EPHA6: variants seen among roughly 807,000 people sequenced by gnomAD.
EPHA6 encodes EPH receptor A6.
A neutral mutation model predicts 112.0 loss-of-function variants in EPHA6; 50 were observed. The observed-to-expected ratio is 0.45, with a 90% confidence interval of 0.36 to 0.56. The LOEUF (loss-of-function observed/expected upper bound fraction) is 0.56, where lower values mean the gene tolerates loss of function less well. Ranked by LOEUF, EPHA6 falls within the 20% of genes least tolerant of loss-of-function variation. The pLI is 0.00. For missense variants in EPHA6, 1,280 were observed against 1,417.4 expected, an observed-to-expected ratio of 0.90 and a Z score of 1.56; for synonymous variants, 529 against 490.7, an observed-to-expected ratio of 1.08 and a Z score of -1.03.
chr3:97,469,511 G>T (rs2091160151), intron 7 of EPHA6, among the ~76,000 whole-genome samples: 1 of 151,702 alleles, frequency 6.6e-6, no homozygotes, highest in African/African-American at 2.4e-5. Flanking sequence ...ACATAATTGA[G>T]ACTGCTGTCT....
chr3:97,321,299 T>A (rs2082108692), intron 5 of EPHA6, among the ~76,000 whole-genome samples: 1 of 151,954 alleles, frequency 6.6e-6, no homozygotes, highest in Non-Finnish European at 1.5e-5. Flanking sequence ...ATGCCAATAA[T>A]TCTTTAACTG....
At chr3:97,176,278 A>G (rs1374162883) in intron 3 of EPHA6, among the ~76,000 whole-genome samples, 2 of 151,790 alleles carry the variant, frequency 1.3e-5, no homozygotes, top group African/African-American at 2.4e-5. Context: ...TCTTTCTAAT[A>G]TATTGTTGAA....
chr3:97,026,291 T>C lies in EPHA6; in HGVS notation c.1114+38298T>C, dbSNP rs1287894400. On this transcript the variant is annotated intron_variant, in intron 3 of 17. Coordinates refer to ENST00000389672, the MANE Select transcript of EPHA6 (RefSeq NM_001080448.3). The stretch of plus-strand genomic sequence containing the variant: ...TCCAGATGAATTTTAGAATCCTTTT[T>C]TCTAGTTCTGTGAAGAATGTTAATG... 2.0e-5 allele frequency among the ~76,000 whole-genome samples: 3 copies of C among 152,124 alleles called. No individual in the cohort carries two copies. In the East Asian group the frequency reaches 5.8e-4, roughly 29 times the overall value.
At chr3:97,576,735 GA>G (rs895204255) in intron 11 of EPHA6, among the ~76,000 whole-genome samples, 3 of 151,986 alleles carry the variant, frequency 2.0e-5, no homozygotes, top group African/African-American at 7.3e-5. Flanking sequence ...ATGACCCGTG[GA>G]ATGTTTGCAC....
intron 5 of EPHA6, among the ~76,000 whole-genome samples, chr3:97,362,656 T>A (rs1269791299): frequency 2.0e-5 from 3 of 151,994 alleles, no homozygotes; most frequent in Non-Finnish European, 2.9e-5. Flanking sequence ...TTTCATGCTA[T>A]TTTTTGAAAA....
chr3:97,367,408 C>A (rs993349167), intron 5 of EPHA6, among the ~76,000 whole-genome samples: 1 of 152,086 alleles, frequency 6.6e-6, no homozygotes, highest in Non-Finnish European at 1.5e-5. Flanking sequence ...TGGCTCACCT[C>A]CTGCGTGTTA....
At chr3:97,177,555 T>G (rs1324138379) in intron 3 of EPHA6, among the ~76,000 whole-genome samples, 1 of 151,852 alleles carries the variant, frequency 6.6e-6, no homozygotes, top group Admixed American at 6.6e-5. Flanking sequence ...ATATGCATGC[T>G]CCAGTGTTTG....
intron 5 of EPHA6, among the ~76,000 whole-genome samples, chr3:97,312,898 A>G (rs564593264): frequency 4.6e-5 from 7 of 151,592 alleles, no homozygotes; most frequent in African/African-American, 1.7e-4. Flanking sequence ...TCATCTCACC[A>G]ACTTATTTCC....
At chr3:97,686,903 A>G (rs954652323) in intron 14 of EPHA6, among the ~76,000 whole-genome samples, 6 of 152,212 alleles carry the variant, frequency 3.9e-5, no homozygotes, top group African/African-American at 1.4e-4. Flanking sequence ...ATTGTTTACC[A>G]GTGGCACAGC....
intron 3 of EPHA6, among the ~76,000 whole-genome samples, chr3:97,156,079 A>C (rs1022415094): frequency 1.3e-5 from 2 of 152,212 alleles, no homozygotes; most frequent in South Asian, 4.1e-4. Flanking sequence ...CACAGGTTCC[A>C]ACCTCATACC....
At chr3:97,009,174 T>C (rs560294301) in intron 3 of EPHA6, among the ~76,000 whole-genome samples, 1 of 152,162 alleles carries the variant, frequency 6.6e-6, no homozygotes, top group East Asian at 1.9e-4. Flanking sequence ...AACCCACTAG[T>C]CTGGGCTGCC....
At chr3:97,081,004 A>G (rs1432364616) in intron 3 of EPHA6, among the ~76,000 whole-genome samples, 1 of 151,944 alleles carries the variant, frequency 6.6e-6, no homozygotes, top group Non-Finnish European at 1.5e-5. Context: ...ATAGTTTTGC[A>G]CCTACTGATT....
chr3:97,614,662 T>A (rs1374675950), intron 13 of EPHA6, among the ~76,000 whole-genome samples: 1 of 152,022 alleles, frequency 6.6e-6, no homozygotes, highest in Non-Finnish European at 1.5e-5. Context: ...TATACTTACA[T>A]TTTTTACAGT....
At chr3:97,013,837 T>G (rs1682273114) in intron 3 of EPHA6, among the ~76,000 whole-genome samples, 1 of 152,194 alleles carries the variant, frequency 6.6e-6, no homozygotes. Context: ...ATATTCAAAT[T>G]ATGAAGCATG....
intron 6 of EPHA6, among the ~76,000 whole-genome samples, chr3:97,436,879 G>T (rs2089869213): frequency 6.6e-6 from 1 of 152,010 alleles, no homozygotes; most frequent in Non-Finnish European, 1.5e-5. Context: ...TAGCACTACT[G>T]TAAAAAAATC....
chr3:96,829,006 A>T (rs1205450883), intron 1 of EPHA6, among the ~76,000 whole-genome samples: 3 of 152,146 alleles, frequency 2.0e-5, no homozygotes, highest in Non-Finnish European at 4.4e-5. Context: ...CAAGATTTCT[A>T]CATATGGACT....
intron 3 of EPHA6, among the ~76,000 whole-genome samples, chr3:97,076,090 G>C (rs968796651): frequency 3.3e-5 from 5 of 152,036 alleles, no homozygotes; most frequent in African/African-American, 7.2e-5. Context: ...AAATGTTCAA[G>C]TGAAAGGAAG....
chr3:97,641,236 G>A (rs1410137683), intron 14 of EPHA6, among the ~76,000 whole-genome samples: 1 of 152,062 alleles, frequency 6.6e-6, no homozygotes, highest in East Asian at 1.9e-4. Context: ...AATGATCATT[G>A]GCATTCTGTC....
chr3:96,824,961 G>A (rs2033549542), intron 1 of EPHA6, among the ~76,000 whole-genome samples: 1 of 151,426 alleles, frequency 6.6e-6, no homozygotes, highest in Non-Finnish European at 1.5e-5. Context: ...AATATAAGAT[G>A]GATAAAATGA....
Sources: gnomAD v4.1 joint callset for allele counts (sites outside exome capture counted in the v4.1 genomes callset) on GRCh38, gnomAD v4.1.1 for gene constraint, MANE v1.5 for transcripts, NCBI Gene and HGNC (gene_info 2026-07-23, HGNC 2026-07-21) for gene names.